SAMD5: variants seen among roughly 807,000 people sequenced by gnomAD.
SAMD5 encodes the protein sterile alpha motif domain containing 5, also known as sterile alpha motif domain-containing protein 5.
Under a neutral mutation model 11.3 loss-of-function variants are expected in SAMD5, and 13 were observed. That is an observed-to-expected ratio of 1.15 (90% CI 0.75 to 1.83). The LOEUF is 1.83. SAMD5 is among the 40% of genes most tolerant of loss of function. SAMD5 has a pLI of 0.00. For synonymous variants in SAMD5, 129 were observed against 111.3 expected (o/e 1.16, Z -1.00); for missense variants, 255 against 239.1 (o/e 1.07, Z -0.44).
the SAMD5 span, among the ~76,000 whole-genome samples, chr6:147,904,095 T>C: frequency 6.6e-6 from 1 of 152,246 alleles, no homozygotes; most frequent in South Asian, 2.1e-4. Context: ...TCTTAACCAA[T>C]CTCTACTAGC....
At chr6:147,687,950 A>C (rs1319176572) in intron 1 of SAMD5, among the ~76,000 whole-genome samples, 5 of 152,170 alleles carry the variant, frequency 3.3e-5, no homozygotes. Context: ...TAAGTCTTTC[A>C]TCAGTTTTAG....
the SAMD5 span, among the ~76,000 whole-genome samples, chr6:147,816,301 A>AAAAAAAAAAATAT: frequency 3.9e-4 from 26 of 66,354 alleles, no homozygotes; most frequent in African/African-American, 1.6e-3. Flanking sequence ...AAAAAAAAAA[A>AAAAAAAAAAATAT]ATATATATAT....
At chr6:147,924,786 A>G in the SAMD5 span, among the ~76,000 whole-genome samples, 2 of 120,740 alleles carry the variant, frequency 1.7e-5, no homozygotes, top group African/African-American at 5.6e-5. Context: ...TTATAAATAA[A>G]TAAATAAATA....
chr6:147,942,336 G>A, the SAMD5 span, among the ~76,000 whole-genome samples: 253 of 152,170 alleles, frequency 1.7e-3, 3 homozygotes, highest in East Asian at 6.6e-3. Flanking sequence ...GCATTTCCTG[G>A]GTCTCAGCTT....
the SAMD5 span, among the ~76,000 whole-genome samples, chr6:147,751,333 GT>G: frequency 3.2e-4 from 49 of 151,118 alleles, no homozygotes; most frequent in Admixed American, 4.0e-4. Flanking sequence ...TATGTGTAGT[GT>G]TTTTTTTTCC....
At chr6:147,765,782 C>G in the SAMD5 span, among the ~76,000 whole-genome samples, 2 of 152,106 alleles carry the variant, frequency 1.3e-5, no homozygotes, top group Non-Finnish European at 2.9e-5. Flanking sequence ...ACTCATCCTC[C>G]CTGGAGGATA....
chr6:147,764,918 T>C, the SAMD5 span, among the ~76,000 whole-genome samples: 1 of 152,224 alleles, frequency 6.6e-6, no homozygotes, highest in Non-Finnish European at 1.5e-5. Flanking sequence ...CACGGTGGTT[T>C]GATACCATCT....
At chr6:147,578,907 T>A (rs912033478) in intron 1 of SAMD5, among the ~76,000 whole-genome samples, 2 of 152,248 alleles carry the variant, frequency 1.3e-5, no homozygotes, top group Non-Finnish European at 2.9e-5. Flanking sequence ...CACGTGGTCT[T>A]GGGCAAGTTA....
chr6:147,853,925 G>A, the SAMD5 span, among the ~76,000 whole-genome samples: 1 of 151,908 alleles, frequency 6.6e-6, no homozygotes, highest in African/African-American at 2.4e-5. Flanking sequence ...TTCCATTATT[G>A]CTTTTTAAAA....
At chr6:147,924,919 A>G in the SAMD5 span, among the ~76,000 whole-genome samples, 2 of 152,070 alleles carry the variant, frequency 1.3e-5, no homozygotes, top group Non-Finnish European at 2.9e-5. Context: ...TGAAATTGTG[A>G]CCTTGAGGCA....
intron 1 of SAMD5, among the ~76,000 whole-genome samples, chr6:147,644,566 T>C (rs1790368566): frequency 6.6e-6 from 1 of 152,208 alleles, no homozygotes; most frequent in African/African-American, 2.4e-5. Flanking sequence ...TTTTTCTAGA[T>C]AATGCATCAG....
the SAMD5 span, among the ~76,000 whole-genome samples, chr6:147,871,225 AT>A: frequency 6.4e-4 from 97 of 151,844 alleles, 3 homozygotes; most frequent in East Asian, 0.018. Flanking sequence ...AACAGGATCA[AT>A]TTTTTTTTAC....
At chr6:147,540,818 C>T (rs546361558) in intron 1 of SAMD5, among the ~76,000 whole-genome samples, 80 of 151,994 alleles carry the variant, frequency 5.3e-4, no homozygotes, top group African/African-American at 1.8e-3. Context: ...ATTTCTTACC[C>T]TTTTTTGCCA....
the SAMD5 span, among the ~76,000 whole-genome samples, chr6:147,886,228 C>T: frequency 8.5e-5 from 13 of 152,058 alleles, 1 homozygote; most frequent in African/African-American, 2.2e-4. Context: ...TCAGCTCTGC[C>T]GATGCCAAAA....
chr6:147,533,378 C>T (rs971936225), intron 1 of SAMD5, among the ~76,000 whole-genome samples: 1 of 148,534 alleles, frequency 6.7e-6, no homozygotes, highest in Admixed American at 6.9e-5. Flanking sequence ...AGGAGAATGG[C>T]TTGAACCCGG....
the SAMD5 span, among the ~76,000 whole-genome samples, chr6:147,837,992 G>A: frequency 2.0e-5 from 3 of 151,970 alleles, no homozygotes; most frequent in African/African-American, 7.3e-5. Flanking sequence ...TCCAGTCACC[G>A]CCCTCAAGAT....
At chr6:147,748,357 G>T in the SAMD5 span, among the ~76,000 whole-genome samples, 1 of 152,210 alleles carries the variant, frequency 6.6e-6, no homozygotes, top group African/African-American at 2.4e-5. Flanking sequence ...CCTTGGGCAA[G>T]TTACTTAAAC....
the SAMD5 span, among the ~76,000 whole-genome samples, chr6:147,788,446 C>T: frequency 6.6e-6 from 1 of 152,100 alleles, no homozygotes; most frequent in Admixed American, 6.6e-5. Context: ...GAAGTATTTG[C>T]ATTTTTTCCC....
the SAMD5 span, among the ~76,000 whole-genome samples, chr6:147,760,212 G>C: frequency 6.6e-6 from 1 of 152,122 alleles, no homozygotes; most frequent in South Asian, 2.1e-4. Flanking sequence ...TGATGAAAAT[G>C]GTGCCTCATT....
Sources: gnomAD v4.1 joint callset for allele counts (sites outside exome capture counted in the v4.1 genomes callset) on GRCh38, gnomAD v4.1.1 for gene constraint, MANE v1.5 for transcripts, NCBI Gene and HGNC (gene_info 2026-07-23, HGNC 2026-07-21) for gene names.